The following PARVA variants were observed in gnomAD, a reference collection of about 807,000 sequenced individuals.
The protein encoded by PARVA is parvin alpha.
PARVA carries 25 observed loss-of-function variants against 52.6 expected under a neutral mutation model. The ratio of observed to expected loss-of-function variants is 0.48; its 90% CI spans 0.35 to 0.66. The LOEUF (loss-of-function observed/expected upper bound fraction) is 0.66. Ranked by LOEUF, PARVA falls within the 30% of genes least tolerant of loss-of-function variation. The pLI is 0.01. For missense variants in PARVA, 373 were observed against 450.9 expected (o/e 0.83, Z 1.56); for synonymous variants, 185 against 179.1 (o/e 1.03, Z -0.26).
intron 6 of PARVA, among the ~76,000 whole-genome samples, chr11:12,508,166 G>GCCT (rs1941460519): frequency 6.8e-6 from 1 of 148,030 alleles, no homozygotes; most frequent in African/African-American, 2.5e-5. Context: ...TTCCTAGTTG[G>GCCT]CCTCAGTTCC....
intron 1 of PARVA, among the ~76,000 whole-genome samples, chr11:12,438,756 G>A (rs1053991867): frequency 6.6e-6 from 1 of 152,254 alleles, no homozygotes; most frequent in East Asian, 1.9e-4. Context: ...TCATAGTTGA[G>A]ACTCAGGGAG....
At chr11:12,514,890 C>T (rs1447436744) in intron 10 of PARVA, among the ~76,000 whole-genome samples, 1 of 152,258 alleles carries the variant, frequency 6.6e-6, no homozygotes, top group Non-Finnish European at 1.5e-5. Context: ...ATTTACTTGT[C>T]ATGTCTCTTT....
chr11:12,384,373 C>T (rs972976375), intron 1 of PARVA, among the ~76,000 whole-genome samples: 15 of 152,156 alleles, frequency 9.9e-5, no homozygotes, highest in Admixed American at 1.3e-4. Context: ...GTGCCTAACA[C>T]GTACCATGCA....
rs145276040 is a variant in PARVA at position 12,388,427 on chromosome 11, C to T, written c.136+10644C>T. Among the ~76,000 whole-genome samples, 445 of 152,260 alleles carry T rather than the reference C, an allele frequency of 2.9e-3. 1 individual carries two copies. The highest frequency in any genetic ancestry group is 5.4e-3 in the South Asian group (26 of 4,824). Reference sequence around the variant, plus strand: ...AACCAGCTTTAGGGCAATGAGAGGCCGTGGATGGAAGAGGCAGTGAACTTT... The same window carrying T: ...AACCAGCTTTAGGGCAATGAGAGGCTGTGGATGGAAGAGGCAGTGAACTTT... On this transcript the variant is annotated intron_variant, in intron 1 of 12. Transcript: ENST00000334956.
At chr11:12,466,739 A>G (rs1456060383) in intron 1 of PARVA, among the ~76,000 whole-genome samples, 1 of 151,534 alleles carries the variant, frequency 6.6e-6, no homozygotes, top group Non-Finnish European at 1.5e-5. Context: ...TAGAAGTTTT[A>G]TAGTATTGTG....
At chr11:12,401,182 A>C (rs1939822635) in intron 1 of PARVA, among the ~76,000 whole-genome samples, 1 of 152,324 alleles carries the variant, frequency 6.6e-6, no homozygotes, top group African/African-American at 2.4e-5. Context: ...TTTTTAAGCA[A>C]GACAAAAGAG....
chr11:12,496,309 C>A, intron 4 of PARVA, 149 bp from the exon 5 acceptor site: 1 of 550,596 alleles, frequency 1.8e-6, no homozygotes, highest in Non-Finnish European at 3.0e-6. Flanking sequence ...ACAGCAGTGT[C>A]CCTCTGCTGG....
chr11:12,377,833 T>TAGGGGCCG (rs1939421551), intron 1 of PARVA, 50 bp downstream of exon 1: 2 of 1,410,788 alleles, frequency 1.4e-6, no homozygotes, highest in Non-Finnish European at 1.9e-6. Context: ...GGGGGTGCCG[T>TAGGGGCCG]AGGGGCCGAG....
At chr11:12,513,473 C>T (rs1208839792) in intron 9 of PARVA, 113 bp downstream of exon 9, 1 of 890,902 alleles carries the variant, frequency 1.1e-6, no homozygotes. Flanking sequence ...CATCACCTAA[C>T]CTCTGCACAC....
chr11:12,516,162 C>T (rs777018741), intron 10 of PARVA, among the ~76,000 whole-genome samples: 79 of 152,220 alleles, frequency 5.2e-4, no homozygotes, highest in Admixed American at 1.1e-3. Flanking sequence ...AAGGCAAGCG[C>T]AAGCTCAGGG....
At chr11:12,444,915 T>A (rs1052586387) in intron 1 of PARVA, among the ~76,000 whole-genome samples, 9 of 152,042 alleles carry the variant, frequency 5.9e-5, no homozygotes, top group Admixed American at 5.2e-4. Context: ...CTATCTGGAG[T>A]GTAGCAATTC....
chr11:12,426,411 T>C (rs745672197), intron 1 of PARVA, among the ~76,000 whole-genome samples: 2 of 151,462 alleles, frequency 1.3e-5, no homozygotes, highest in Non-Finnish European at 2.9e-5. Flanking sequence ...GGGAGTGGCA[T>C]GGGGTGAGGC....
At chr11:12,517,570 AG>A in intron 10 of PARVA, 39 bp from the exon 11 acceptor site, 1 of 1,421,584 alleles carries the variant, frequency 7.0e-7, no homozygotes, top group Non-Finnish European at 9.7e-7. Context: ...ATTGGCTGGG[AG>A]GCTCAGGGGC....
upstream of PARVA, chr11:12,377,458 A>T: frequency 1.4e-6 from 2 of 1,402,686 alleles, no homozygotes; most frequent in Admixed American, 7.0e-5. Context: ...CTTCCAGGGC[A>T]GAGGGCGGCG....
chr11:12,478,409 T>A (rs1941043665), intron 4 of PARVA: 3 of 270,424 alleles, frequency 1.1e-5, no homozygotes, highest in Non-Finnish European at 2.2e-5. Context: ...TGGGTCACTT[T>A]GCAGCTGTTC....
At chr11:12,513,617 C>A in intron 9 of PARVA, 1 of 642,416 alleles carries the variant, frequency 1.6e-6, no homozygotes, top group Non-Finnish European at 2.9e-6. Flanking sequence ...CAGCCTTCCC[C>A]ACTCCTCACA....
At chr11:12,513,718 C>T (rs1941532436) in intron 9 of PARVA, 4 of 587,496 alleles carry the variant, frequency 6.8e-6, no homozygotes, top group South Asian at 2.0e-5. Context: ...AGTTCCCCCA[C>T]CCAGACACTG....
At chr11:12,446,351 C>G (rs1472186437) in intron 1 of PARVA, among the ~76,000 whole-genome samples, 1 of 152,052 alleles carries the variant, frequency 6.6e-6, no homozygotes, top group Non-Finnish European at 1.5e-5. Context: ...ATAAAAAGAC[C>G]TACAAAATCT....
At chr11:12,404,505 C>T (rs1464447875) in intron 1 of PARVA, among the ~76,000 whole-genome samples, 4 of 152,200 alleles carry the variant, frequency 2.6e-5, no homozygotes, top group Non-Finnish European at 5.9e-5. Context: ...TCCACAGAAG[C>T]AGAATTTGAA....
Sources: gnomAD v4.1 joint callset for allele counts (sites outside exome capture counted in the v4.1 genomes callset) on GRCh38, gnomAD v4.1.1 for gene constraint, MANE v1.5 for transcripts, NCBI Gene and HGNC (gene_info 2026-07-23, HGNC 2026-07-21) for gene names.